MCM6: variants seen among roughly 807,000 people sequenced by gnomAD.
MCM6 encodes the protein minichromosome maintenance complex component 6, also known as DNA replication licensing factor MCM6.
A neutral mutation model predicts 94.3 loss-of-function variants in MCM6; 46 were observed. The observed-to-expected ratio is 0.49, with a 90% CI of 0.39 to 0.62. MCM6 has a LOEUF of 0.62. Ranked by LOEUF, MCM6 falls within the 20% of genes least tolerant of loss-of-function variation. MCM6 has a pLI of 0.00. For missense variants in MCM6, 865 were observed against 1,017.9 expected (o/e 0.85, Z 2.04); for synonymous variants, 335 against 351.9 (o/e 0.95, Z 0.54).
rs1460610556 is a variant in MCM6 at position 135,868,728 on chromosome 2, C to T, written c.498G>A (p.Arg166=). ...TGTATTTGAACTGCTGTTCTACATC[C>T]CTGATCACTGTCTGACAGTCCAAGC... ...FLCLDCQTVI[R]DVEQQFKYTQ... Residue 166 remains arginine, a synonymous_variant, in exon 4 of 17, where the codon AGG becomes AGA. Coordinates refer to ENST00000264156, the MANE Select transcript of MCM6 (RefSeq NM_005915.6). 2 of 1,614,148 alleles carry T rather than the reference C, an allele frequency of 1.2e-6. No homozygotes were observed. The highest frequency in any genetic ancestry group is 1.7e-6 in the Non-Finnish European group (2 of 1,180,028).
Position 135,856,664 on chromosome 2 carries a change from T to A in MCM6, c.1626+64A>T. 9 of 1,535,750 alleles carry A rather than the reference T, an allele frequency of 5.9e-6. No homozygotes were observed. The South Asian group carries it at 9.7e-5, about 17-fold the overall frequency. ...CATGCACCAGCTGTTGAGCAGTGTA[T>A]CTTCCAGCCTTGTCTCACTCGATTA... On this transcript the variant is annotated intron_variant, in intron 11 of 16. Transcript: ENST00000264156.
chr2:135,844,595 T>G lies in MCM6; in HGVS notation c.2299A>C (p.Ile767Leu), dbSNP rs1415535929. 1.3e-6 allele frequency: 2 copies of G among 1,584,654 alleles called. No individual in the cohort carries two copies. Among genetic ancestry groups the G allele is most frequent in the Admixed American group, 3.6e-5 (2 of 55,068 alleles). ...TTCTCTATGATTCTTTTTTTATTTA[T>G]AAGTTCTTCTTCAGAGTCTATCTCT... The part of the protein sequence containing the change: ...ESEIDSEEEL[I>L]NKKRIIEKVI... The change falls in exon 16 of 17, where the codon ATA becomes CTA. Residue 767 changes from isoleucine to leucine, a missense_variant. Transcript: ENST00000264156.
chr2:135,853,051 T>G, intron 11 of MCM6, 136 bp from the exon 12 acceptor site: 1 of 680,958 alleles, frequency 1.5e-6, no homozygotes, highest in Non-Finnish European at 2.3e-6. Flanking sequence ...GGTACCAAGT[T>G]TCTGATGAAA....
Position 135,864,490 on chromosome 2 carries a change from CAAGGCCAGGAGACTACAACCACAAA to C in MCM6, c.1078+498_1078+522del, listed in dbSNP as rs552322352. Among the ~76,000 whole-genome samples, 163 of 152,128 alleles carry C rather than the reference CAAGGCCAGGAGACTACAACCACAAA, an allele frequency of 1.1e-3. 2 individuals carry two copies. The highest frequency in any genetic ancestry group is 5.6e-3 in the South Asian group (27 of 4,826). On this transcript the variant is annotated intron_variant, in intron 7 of 16. Coordinates refer to ENST00000264156, the MANE Select transcript of MCM6 (RefSeq NM_005915.6). Reference sequence around the variant, plus strand: ...TCTAAAACACATACACACACACCAACAAGGCCAGGAGACTACAACCACAAAAAGGCCAGGAGACTAGTCTCGCATA... The same window carrying C: ...TCTAAAACACATACACACACACCAACAAGGCCAGGAGACTAGTCTCGCATA...
intron 14 of MCM6, among the ~76,000 whole-genome samples, chr2:135,847,374 A>G (rs1336581182): frequency 6.6e-6 from 1 of 152,162 alleles, no homozygotes; most frequent in African/African-American, 2.4e-5. Context: ...GAGTGTACCA[A>G]GGCATTCAAG....
At chr2:135,863,723 T>TAACAA (rs55711144) in intron 7 of MCM6, among the ~76,000 whole-genome samples, 1,824 of 147,136 alleles carry the variant, frequency 0.012, 15 homozygotes, top group African/African-American at 0.018. Context: ...AGTAAGACCC[T>TAACAA]AACAAAACAA....
In MCM6 at chr2:135,843,570, T is replaced by TA. The variant is rs573992370; in HGVS notation, c.2349+974dup. ...CAACATGGCAAAACCCCATCTCTAC[T>TA]AAAAAAAAAAAATTAAAAAATTAGC... On this transcript the variant is annotated intron_variant, in intron 16 of 16. Transcript: ENST00000264156. Among the ~76,000 whole-genome samples, 1,284 of 143,404 alleles carry TA rather than the reference T, an allele frequency of 9.0e-3. 12 individuals carry two copies. The highest frequency in any genetic ancestry group is 0.029 in the Middle Eastern group (8 of 276). 94.1% of individuals were successfully genotyped at this position (143,404 alleles called of 152,430 possible). A position where few individuals can be genotyped will look rare whatever the true frequency, so the allele number is the denominator to read the frequency against.
intron 11 of MCM6, among the ~76,000 whole-genome samples, chr2:135,856,369 G>C (rs1679893088): frequency 1.3e-5 from 2 of 152,190 alleles, no homozygotes; most frequent in South Asian, 4.1e-4. Flanking sequence ...CTTGAACCTT[G>C]GAAGTGGAGG....
intron 7 of MCM6, among the ~76,000 whole-genome samples, 175 bp from the exon 8 acceptor site, chr2:135,862,923 T>C (rs1680024216): frequency 6.6e-6 from 1 of 152,226 alleles, no homozygotes; most frequent in Non-Finnish European, 1.5e-5. Context: ...TCTGTGGACT[T>C]AGTCACCTAA....
intron 11 of MCM6, 94 bp from the exon 12 acceptor site, chr2:135,853,009 G>T: frequency 8.9e-7 from 1 of 1,125,494 alleles, no homozygotes; most frequent in Non-Finnish European, 1.2e-6. Context: ...CCAAAAACAA[G>T]CTCTAATATA....
Position 135,866,376 on chromosome 2 carries a change from C to T in MCM6, c.782-99G>A, listed in dbSNP as rs777540069. 4.1e-6 allele frequency: 6 copies of T among 1,477,992 alleles called. No individual in the cohort carries two copies. In the Admixed American group the frequency reaches 7.7e-5, roughly 19 times the overall value. The allele number at this position is 1,477,992 out of a possible 1,614,324, so 91.6% of individuals were successfully genotyped here. A position where few individuals can be genotyped will look rare whatever the true frequency, so the allele number is the denominator to read the frequency against. Reference sequence around the variant, plus strand: ...GAAAGCTATAAATCCAAAGACTTCACTTAAGCCTTGAATACTTTCAGAATA... The same window carrying T: ...GAAAGCTATAAATCCAAAGACTTCATTTAAGCCTTGAATACTTTCAGAATA... On this transcript the variant is annotated intron_variant, in intron 5 of 16. Coordinates refer to ENST00000264156, the MANE Select transcript of MCM6 (RefSeq NM_005915.6).
At chr2:135,841,886 C>T (rs1679579196) in intron 16 of MCM6, among the ~76,000 whole-genome samples, 1 of 152,082 alleles carries the variant, frequency 6.6e-6, no homozygotes, top group African/African-American at 2.4e-5. Flanking sequence ...GGGTGGATCA[C>T]CTGAGGTCAG....
At chr2:135,850,366 T>A (rs549173409) in intron 13 of MCM6, among the ~76,000 whole-genome samples, 2 of 150,606 alleles carry the variant, frequency 1.3e-5, no homozygotes, top group South Asian at 4.3e-4. Flanking sequence ...AAACTGTGTG[T>A]CATGGGGATT....
At position 135,870,353 on chromosome 2, in the gene MCM6, G is replaced by C; in HGVS notation, c.263C>G (p.Pro88Arg). The change falls in exon 3 of 17, where the codon CCT becomes CGT. Residue 88 changes from proline (P) to arginine (R), a missense_variant. By Grantham distance (103) the Pro-to-Arg change is moderately radical. This residue lies in a region of MCM6 where 404 missense variants were observed against 451.9 expected (regional missense o/e 0.89). Transcript: ENST00000264156. ...TGTTTTCAAGGCCCGACACAGGTAA[G>C]GGTAAACTCTGAAAAACAAAAAAGT... ...TIQEEFYRVY[P>R]YLCRALKTFV... 1 of 1,613,296 alleles carries C rather than the reference G, an allele frequency of 6.2e-7. No individual in the cohort carries two copies. Among genetic ancestry groups the C allele is most frequent in the Non-Finnish European group, 8.5e-7 (1 of 1,179,404 alleles).
chr2:135,861,681 C>T (rs942677339), intron 8 of MCM6, among the ~76,000 whole-genome samples: 6 of 152,228 alleles, frequency 3.9e-5, no homozygotes, highest in African/African-American at 1.4e-4. Flanking sequence ...GGCGCAATCT[C>T]GGCTCACTGC....
chr2:135,866,758 A>G, intron 4 of MCM6, 30 bp from the exon 5 acceptor site: 2 of 1,550,484 alleles, frequency 1.3e-6, no homozygotes, highest in African/African-American at 1.4e-5. Flanking sequence ...CCAACCAAGA[A>G]TGAGAAGCAA....
chr2:135,875,363 T>C (rs1680275079), intron 1 of MCM6, among the ~76,000 whole-genome samples: 1 of 149,684 alleles, frequency 6.7e-6, no homozygotes, highest in Admixed American at 6.6e-5. Context: ...AAATTACGCC[T>C]CAAAAAAAAA....
chr2:135,863,162 T>C (rs1680027223), intron 7 of MCM6, among the ~76,000 whole-genome samples: 1 of 152,238 alleles, frequency 6.6e-6, no homozygotes, highest in Non-Finnish European at 1.5e-5. Flanking sequence ...TTTGAGGAAA[T>C]GGTTCATAAC....
Position 135,847,989 on chromosome 2 carries a change from C to T in MCM6, c.2053+64G>A, listed in dbSNP as rs376618723. The T allele has an allele frequency of 7.1e-5, 94 of 1,331,880 alleles. No individual in the cohort carries two copies. The East Asian group carries it at 7.4e-4, about 11-fold the overall frequency. The allele number at this position is 1,331,880 out of a possible 1,614,324, so 82.5% of individuals were successfully genotyped here. On this transcript the variant is annotated intron_variant, in intron 14 of 16. Coordinates refer to ENST00000264156, the MANE Select transcript of MCM6 (RefSeq NM_005915.6). ...GCCAACAGCAGGTGTACTTCTACCA[C>T]ATGACATCTCAGAAAATGTTTTGGT... is the stretch of plus-strand genomic sequence containing the variant.
Sources: gnomAD v4.1 joint callset for allele counts (sites outside exome capture counted in the v4.1 genomes callset) on GRCh38, gnomAD v4.1.1 for gene constraint, gnomAD v4.1.1 regional missense constraint, MANE v1.5 for transcripts, NCBI Gene and HGNC (gene_info 2026-07-23, HGNC 2026-07-21) for gene names.